The following FER1L6 variants were observed in gnomAD, a reference collection of about 807,000 sequenced individuals.
FER1L6 encodes the protein fer-1 like family member 6.
FER1L6 carries 177 observed loss-of-function variants against 219.2 expected under a neutral mutation model. The ratio of observed to expected loss-of-function variants is 0.81; its 90% CI spans 0.71 to 0.91. FER1L6 has a LOEUF of 0.91. Ranked by LOEUF, FER1L6 falls within the 40% of genes least tolerant of loss-of-function variation. The pLI, the probability that FER1L6 is intolerant of heterozygous loss-of-function variation, is 0.00. For synonymous variants in FER1L6, 768 were observed against 824.3 expected (o/e 0.93, Z 1.17); for missense variants, 2,153 against 2,259.9 (o/e 0.95, Z 0.96).
At chr8:123,962,768 C>A (rs904800857) in intron 2 of FER1L6, among the ~76,000 whole-genome samples, 54 of 152,164 alleles carry the variant, frequency 3.5e-4, no homozygotes, top group African/African-American at 1.3e-3. Flanking sequence ...GCTGGAATTA[C>A]AGGTGTCTGC....
intron 1 of FER1L6, among the ~76,000 whole-genome samples, chr8:123,928,667 T>C (rs953679151): frequency 6.6e-6 from 1 of 152,220 alleles, no homozygotes; most frequent in African/African-American, 2.4e-5. Context: ...TTTCACAGCC[T>C]TTAACACATT....
intron 6 of FER1L6, among the ~76,000 whole-genome samples, chr8:123,970,307 G>A (rs917816985): frequency 2.0e-5 from 3 of 152,128 alleles, no homozygotes; most frequent in Non-Finnish European, 4.4e-5. Context: ...TATGCTTCTT[G>A]GAAGCAAGTG....
At chr8:124,045,968 TTA>T in intron 21 of FER1L6, 67 bp downstream of exon 21, 1 of 1,582,146 alleles carries the variant, frequency 6.3e-7, no homozygotes, top group East Asian at 2.2e-5. Flanking sequence ...CTCACTCACT[TTA>T]TTTTAAAGTA....
Position 124,060,708 on chromosome 8 carries a change from T to C in FER1L6, c.3146T>C (p.Val1049Ala). The C allele has an allele frequency of 6.2e-7, 1 of 1,612,974 alleles. No homozygotes were observed. Among genetic ancestry groups the C allele is most frequent in the Non-Finnish European group, 8.5e-7 (1 of 1,179,050 alleles). Residue 1049 changes from valine to alanine, a missense_variant and splice_region_variant, in exon 24 of 41, where the codon GTG becomes GCG. Transcript: ENST00000522917. Reference sequence around the variant, plus strand: ...AGCATCCAGGCAGACGCTTTCGAAGTGGTGCGAGCTTCTCACTCTCCCGAC... The same window carrying C: ...AGCATCCAGGCAGACGCTTTCGAAGCGGTGCGAGCTTCTCACTCTCCCGAC... ...NFSIQADAFE[V>A]ELPENELLHP...
intron 1 of FER1L6, among the ~76,000 whole-genome samples, chr8:123,954,635 A>C (rs1031895219): frequency 6.6e-6 from 1 of 152,142 alleles, no homozygotes; most frequent in African/African-American, 2.4e-5. Flanking sequence ...TTATTATCTC[A>C]TTTCACACAT....
chr8:123,885,158 C>A (rs1817178588), intron 1 of FER1L6, among the ~76,000 whole-genome samples: 1 of 152,134 alleles, frequency 6.6e-6, no homozygotes, highest in Non-Finnish European at 1.5e-5. Flanking sequence ...GGAAACACAG[C>A]CCTCCCAGCA....
At chr8:124,045,322 G>C (rs1563763065) in intron 20 of FER1L6, among the ~76,000 whole-genome samples, 1 of 152,170 alleles carries the variant, frequency 6.6e-6, no homozygotes, top group East Asian at 1.9e-4. Context: ...GCTGGCTCTG[G>C]ACAAGTGAGC....
chr8:123,873,568 C>T (rs1338803246), intron 1 of FER1L6, among the ~76,000 whole-genome samples: 3 of 152,188 alleles, frequency 2.0e-5, no homozygotes, highest in African/African-American at 7.2e-5. Flanking sequence ...CCTTCTAGCT[C>T]TGAAGTACTT....
At chr8:123,980,441 A>G in intron 10 of FER1L6, 24 bp from the exon 11 acceptor site, 1 of 1,543,618 alleles carries the variant, frequency 6.5e-7, no homozygotes, top group Non-Finnish European at 8.8e-7. Flanking sequence ...ATAATGAGAT[A>G]ACTAAAACCT....
In FER1L6 at chr8:124,026,228, T is replaced by C. The variant is rs554866322; in HGVS notation, c.2286+2632T>C. Among the ~76,000 whole-genome samples, 5 of 152,184 alleles carry C rather than the reference T, an allele frequency of 3.3e-5. No homozygotes were observed. The South Asian group carries it at 6.2e-4, about 19-fold the overall frequency. Reference sequence around the variant, plus strand: ...TAGAAATGAATGAATAAGAGAAAAATGTGTCCAAAGCCTTTACCCCCACCA... The same window carrying C: ...TAGAAATGAATGAATAAGAGAAAAACGTGTCCAAAGCCTTTACCCCCACCA... On this transcript the variant is annotated intron_variant, in intron 18 of 40. Coordinates refer to ENST00000522917, the MANE Select transcript of FER1L6 (RefSeq NM_001039112.2).
At chr8:124,066,382 G>A (rs200792092) in intron 26 of FER1L6, 46 bp from the exon 27 acceptor site, 134 of 1,595,160 alleles carry the variant, frequency 8.4e-5, no homozygotes, top group Non-Finnish European at 1.5e-5. Context: ...TCAGCATGCA[G>A]CCAAATGAGG....
chr8:124,029,734 A>G (rs1818875972), intron 18 of FER1L6, among the ~76,000 whole-genome samples: 1 of 152,016 alleles, frequency 6.6e-6, no homozygotes, highest in Non-Finnish European at 1.5e-5. Flanking sequence ...CTCTGATGAG[A>G]GTTTCTTTTG....
intron 12 of FER1L6, among the ~76,000 whole-genome samples, chr8:123,996,926 C>A (rs754497544): frequency 6.6e-6 from 1 of 152,110 alleles, no homozygotes. Context: ...ACTTTAATTT[C>A]ATCCACTCAC....
intron 1 of FER1L6, among the ~76,000 whole-genome samples, chr8:123,884,914 A>G (rs1284035976): frequency 6.6e-6 from 1 of 152,222 alleles, no homozygotes; most frequent in Non-Finnish European, 1.5e-5. Flanking sequence ...TGAAAATAGA[A>G]TCATTGCAGA....
chr8:124,064,799 G>A (rs1401916422), intron 26 of FER1L6, among the ~76,000 whole-genome samples: 1 of 152,218 alleles, frequency 6.6e-6, no homozygotes, highest in Admixed American at 6.5e-5. Context: ...AAATGTGACA[G>A]TAATATTTAA....
chr8:123,981,585 C>T (rs970057414), intron 11 of FER1L6, among the ~76,000 whole-genome samples: 1 of 152,080 alleles, frequency 6.6e-6, no homozygotes, highest in Non-Finnish European at 1.5e-5. Context: ...AATCCCAGAG[C>T]TGTTCATTTC....
intron 1 of FER1L6, among the ~76,000 whole-genome samples, chr8:123,894,186 C>T (rs1298396512): frequency 5.3e-5 from 8 of 152,188 alleles, no homozygotes; most frequent in Non-Finnish European, 5.9e-5. Context: ...AGAACTGAAA[C>T]TCACCAGATT....
chr8:124,004,115 C>CAAAAAAAAAAAAAAAAAAAAAAAAAAAA (rs80310802), intron 13 of FER1L6: 1 of 78,490 alleles, frequency 1.3e-5, no homozygotes, highest in African/African-American at 4.7e-5. Flanking sequence ...CTGAAAGACT[C>CAAAAAAAAAAAAAAAAAAAAAAAAAAAA]AAAAAAAAAA....
At chr8:123,887,249 T>C (rs188680047) in intron 1 of FER1L6, among the ~76,000 whole-genome samples, 29 of 152,336 alleles carry the variant, frequency 1.9e-4, no homozygotes, top group Middle Eastern at 6.8e-3. Context: ...TTCTTGGCAA[T>C]AATTGCTGTC....
Sources: gnomAD v4.1 joint callset for allele counts (sites outside exome capture counted in the v4.1 genomes callset) on GRCh38, gnomAD v4.1.1 for gene constraint, MANE v1.5 for transcripts, NCBI Gene and HGNC (gene_info 2026-07-23, HGNC 2026-07-21) for gene names.